MDFI: variants seen among roughly 807,000 people sequenced by gnomAD.
MDFI encodes the protein inhibitor of MyoD family a.
A neutral mutation model predicts 22.3 loss-of-function variants in MDFI; 16 were observed. The ratio of observed to expected loss-of-function variants is 0.72; its 90% CI spans 0.49 to 1.09. The LOEUF is 1.09. Among genes scored for constraint, MDFI ranks in the 50% least tolerant of loss-of-function variants. MDFI has a pLI of 0.00. For missense variants in MDFI, 314 were observed against 326.1 expected (o/e 0.96, Z 0.29); for synonymous variants, 145 against 142.7 (o/e 1.02, Z -0.12).
In MDFI at chr6:41,653,855, A is replaced by C; in HGVS notation, c.*280A>C. The stretch of plus-strand genomic sequence containing the variant: ...ACATTGCTGAGGACCTGACAGGACA[A>C]CCTAGGGGCAGGGCTGGGGTGGGGA... On this transcript the variant is annotated 3_prime_UTR_variant, in exon 5 of 5. Transcript: ENST00000230321. This position sits in a 1 kb window ranked among gnomAD's most constrained non-coding sequence, Gnocchi z 4.2. 1.6e-4 allele frequency: 64 copies of C among 406,546 alleles called. No homozygotes were observed. The highest frequency in any genetic ancestry group is 2.4e-4 in the East Asian group (5 of 20,918). 25.2% of individuals were successfully genotyped at this position (406,546 alleles called of 1,614,324 possible).
At position 41,653,891 on chromosome 6, in the gene MDFI, C is replaced by G; in HGVS notation, c.*316C>G. The G allele has an allele frequency of 2.4e-6, 1 of 422,602 alleles. No individual in the cohort carries two copies. The allele number at this position is 422,602 out of a possible 1,614,324, so 26.2% of individuals were successfully genotyped here. A position where few individuals can be genotyped will look rare whatever the true frequency, so the allele number is the denominator to read the frequency against. On this transcript the variant is annotated 3_prime_UTR_variant, in exon 5 of 5. Transcript: ENST00000230321. The surrounding 1 kb of genome is among the most constrained non-coding windows in gnomAD (Gnocchi z 4.2). Reference sequence around the variant, plus strand: ...GGGCTGGGGTGGGGACCGCAGGGGGCAGCCAGGGCTGGGGAACACTGTGAA... The same window carrying G: ...GGGCTGGGGTGGGGACCGCAGGGGGGAGCCAGGGCTGGGGAACACTGTGAA...
intron 2 of MDFI, among the ~76,000 whole-genome samples, chr6:41,644,859 G>A (rs1767988176): frequency 6.6e-6 from 1 of 151,654 alleles, no homozygotes; most frequent in South Asian, 2.1e-4. Flanking sequence ...TCTCTCTGTG[G>A]GGTGTGTACT....
chr6:41,649,707 G>A lies in MDFI; in HGVS notation c.348G>A (p.Ala116=), dbSNP rs200649674. ...HPSELGGTRR[A]GNGALGGPKA... Reference sequence around the variant, plus strand: ...CAGAGCTGGGCGGCACCAGACGGGCGGGGAATGGTGCCCTGGGTGGCCCCA... The same window carrying A: ...CAGAGCTGGGCGGCACCAGACGGGCAGGGAATGGTGCCCTGGGTGGCCCCA... Residue 116 remains alanine, a synonymous_variant, in exon 4 of 5, where the codon GCG becomes GCA. Coordinates refer to ENST00000230321, the MANE Select transcript of MDFI (RefSeq NM_005586.4). 1.3e-4 allele frequency: 207 copies of A among 1,613,972 alleles called. No homozygotes were observed. Among genetic ancestry groups the A allele is most frequent in the East Asian group, 2.7e-4 (12 of 44,896 alleles).
intron 2 of MDFI, among the ~76,000 whole-genome samples, chr6:41,644,684 CTCT>C (rs771483829): frequency 3.9e-5 from 6 of 152,060 alleles, no homozygotes; most frequent in Non-Finnish European, 7.4e-5. Flanking sequence ...CCTCCCTCCT[CTCT>C]TCTTTGATCT....
At chr6:41,650,008 C>A (rs1319228312) in intron 4 of MDFI, 165 bp downstream of exon 4, 1 of 652,536 alleles carries the variant, frequency 1.5e-6, no homozygotes, top group Non-Finnish European at 2.6e-6. Flanking sequence ...TGGAGCTTAA[C>A]AAGCCCTGCA....
At chr6:41,641,657 A>G (rs889315127) in intron 2 of MDFI, among the ~76,000 whole-genome samples, 3 of 152,176 alleles carry the variant, frequency 2.0e-5, no homozygotes, top group African/African-American at 4.8e-5. Context: ...CTCTCCAGAG[A>G]CGGTCAGAGT....
In MDFI at chr6:41,653,312, C is replaced by T; in HGVS notation, c.485-7C>T. 1 of 1,606,350 alleles carries T rather than the reference C, an allele frequency of 6.2e-7. No homozygotes were observed. Among genetic ancestry groups the T allele is most frequent in the Non-Finnish European group, 8.5e-7 (1 of 1,174,752 alleles). Reference sequence around the variant, plus strand: ...CACCCGTCCCCCTCTCCACCGCCACCCCGCAGACTGCTGTGTCCACTGCAT... The same window carrying T: ...CACCCGTCCCCCTCTCCACCGCCACTCCGCAGACTGCTGTGTCCACTGCAT... On this transcript the variant is annotated splice_polypyrimidine_tract_variant and splice_region_variant and intron_variant, in intron 4 of 4. Coordinates refer to ENST00000230321, the MANE Select transcript of MDFI (RefSeq NM_005586.4). This position sits in a 1 kb window ranked among gnomAD's most constrained non-coding sequence, Gnocchi z 4.2.
At position 41,646,315 on chromosome 6, in the gene MDFI, C is replaced by A; in HGVS notation, c.259+7C>A. The A allele has an allele frequency of 7.1e-7, 1 of 1,416,758 alleles. No individual in the cohort carries two copies. Among genetic ancestry groups the A allele is most frequent in the East Asian group, 2.7e-5 (1 of 36,496 alleles). The allele number at this position is 1,416,758 out of a possible 1,614,324, so 87.8% of individuals were successfully genotyped here. ...CCCACAGAAGCTGTGACATGTGAGT[C>A]CTAGGGGGCCAGGAGGTTGGATGGC... On this transcript the variant is annotated splice_region_variant and intron_variant, in intron 3 of 4. Transcript: ENST00000230321.
chr6:41,649,508 C>A, intron 3 of MDFI, 111 bp from the exon 4 acceptor site: 1 of 969,060 alleles, frequency 1.0e-6, no homozygotes, highest in Non-Finnish European at 1.6e-6. Context: ...ACAGGTCTGG[C>A]TGGGTGCTTT....
intron 2 of MDFI, among the ~76,000 whole-genome samples, chr6:41,643,591 AG>A (rs1362667538): frequency 4.1e-4 from 31 of 76,226 alleles, no homozygotes; most frequent in African/African-American, 1.7e-3. Context: ...GGAGGGAGGG[AG>A]GGAGGGAGGG....
At chr6:41,644,036 C>G (rs1310493713) in intron 2 of MDFI, among the ~76,000 whole-genome samples, 2 of 152,080 alleles carry the variant, frequency 1.3e-5, no homozygotes, top group Admixed American at 1.3e-4. Flanking sequence ...GAAATTAGGA[C>G]CCTGAGCCTC....
Position 41,653,301 on chromosome 6 carries a change from T to C in MDFI, c.485-18T>C. The C allele has an allele frequency of 6.2e-7, 1 of 1,600,362 alleles. No homozygotes were observed. Among genetic ancestry groups the C allele is most frequent in the South Asian group, 1.1e-5 (1 of 90,776 alleles). On this transcript the variant is annotated intron_variant, in intron 4 of 4. Transcript: ENST00000230321. This position sits in a 1 kb window ranked among gnomAD's most constrained non-coding sequence, Gnocchi z 4.2. The stretch of plus-strand genomic sequence containing the variant: ...CTCCCCTCTCTCACCCGTCCCCCTC[T>C]CCACCGCCACCCCGCAGACTGCTGT...
intron 2 of MDFI, among the ~76,000 whole-genome samples, chr6:41,644,326 T>G (rs189237426): frequency 1.3e-5 from 2 of 152,214 alleles, no homozygotes; most frequent in Non-Finnish European, 2.9e-5. Context: ...AGCACATAAC[T>G]CTCCTGCCCT....
intron 2 of MDFI, among the ~76,000 whole-genome samples, chr6:41,643,336 T>C (rs1767917789): frequency 6.6e-6 from 1 of 152,084 alleles, no homozygotes; most frequent in African/African-American, 2.4e-5. Context: ...CTTCTGTGCT[T>C]CCACCATTCT....
chr6:41,639,724 C>T, intron 2 of MDFI: 1 of 985,450 alleles, frequency 1.0e-6, no homozygotes, highest in Non-Finnish European at 1.2e-6. Flanking sequence ...TCGTTGCCTT[C>T]CTCCCCACCA....
At chr6:41,644,837 G>A (rs1403085459) in intron 2 of MDFI, among the ~76,000 whole-genome samples, 1 of 151,364 alleles carries the variant, frequency 6.6e-6, no homozygotes, top group South Asian at 2.1e-4. Context: ...CTCTGCATGT[G>A]CCTCTTTCTG....
intron 4 of MDFI, among the ~76,000 whole-genome samples, chr6:41,652,411 A>C (rs971656579): frequency 9.4e-4 from 143 of 152,252 alleles, no homozygotes; most frequent in African/African-American, 3.0e-3. Flanking sequence ...CGACATGTGA[A>C]CCATGGGAGG....
chr6:41,649,259 C>T (rs968839695), intron 3 of MDFI, among the ~76,000 whole-genome samples: 2 of 152,228 alleles, frequency 1.3e-5, no homozygotes, highest in African/African-American at 4.8e-5. Flanking sequence ...ACCCCTCTTC[C>T]CCAGCACTGC....
chr6:41,643,576 AGGAGGGAGGGAGGGAGGGAGGGAG>A (rs1209257493), intron 2 of MDFI, among the ~76,000 whole-genome samples: 34 of 73,378 alleles, frequency 4.6e-4, no homozygotes, highest in Admixed American at 8.0e-4. Context: ...GAAGGAAGGA[AGGAGGGAGGGAGGGAGGGAGGGAG>A]GGAAGGAGGG....
Sources: allele counts gnomAD v4.1 joint callset (sites outside exome capture counted in the v4.1 genomes callset), GRCh38; gene constraint gnomAD v4.1.1; non-coding constraint Gnocchi (gnomAD v3.1); transcripts MANE v1.5; gene names NCBI Gene and HGNC (gene_info 2026-07-23, HGNC 2026-07-21).